IL6R: variants seen among roughly 807,000 people sequenced by gnomAD.
IL6R encodes the protein interleukin-6 receptor subunit alpha.
Under a neutral mutation model 48.3 loss-of-function variants are expected in IL6R, and 38 were observed. That is an observed-to-expected ratio of 0.79 (90% confidence interval 0.61 to 1.03). The LOEUF (loss-of-function observed/expected upper bound fraction) is 1.03. Among genes scored for constraint, IL6R ranks in the 50% least tolerant of loss-of-function variants. The probability of loss-of-function intolerance (pLI) is 0.00; values close to 1 mark genes in which losing one functional copy is unlikely to be tolerated. For missense variants in IL6R, 534 were observed against 618.3 expected (o/e 0.86, Z 1.45); for synonymous variants, 264 against 256.2 (o/e 1.03, Z -0.29).
At chr1:154,438,843 T>C (rs1280416148) in intron 6 of IL6R, among the ~76,000 whole-genome samples, 1 of 152,184 alleles carries the variant, frequency 6.6e-6, no homozygotes, top group Non-Finnish European at 1.5e-5. Context: ...TGTTGGCACT[T>C]TCCTTGTTCA....
Position 154,434,699 on chromosome 1 carries a change from C to G in IL6R, c.639C>G (p.Ile213Met). 1 of 1,613,572 alleles carries G rather than the reference C, an allele frequency of 6.2e-7. No homozygotes were observed. Among genetic ancestry groups the G allele is most frequent in the Non-Finnish European group, 8.5e-7 (1 of 1,179,658 alleles). ...CTCAAACCTTTCAGGGTTGTGGAAT[C>G]TGTACGTAAGCTCTAACCCCCTCTC... ...SKTQTFQGCG[I>M]LQPDPPANIT... Residue 213 changes from isoleucine (I) to methionine (M), a missense_variant and splice_region_variant, in exon 4 of 10, where the codon ATC becomes ATG. Ile to Met is a conservative substitution (Grantham distance 10). Coordinates refer to ENST00000368485, the MANE Select transcript of IL6R (RefSeq NM_000565.4).
chr1:154,422,561 A>G (rs1688732847), intron 1 of IL6R, among the ~76,000 whole-genome samples: 1 of 152,084 alleles, frequency 6.6e-6, no homozygotes, highest in Non-Finnish European at 1.5e-5. Context: ...TTCCTGGATT[A>G]GGAACTTCTG....
chr1:154,436,063 G>A lies in IL6R; in HGVS notation c.902G>A (p.Gly301Asp). 1 of 1,613,028 alleles carries A rather than the reference G, an allele frequency of 6.2e-7. No individual in the cohort carries two copies. The highest frequency in any genetic ancestry group is 8.5e-7 in the Non-Finnish European group (1 of 1,179,436). Residue 301 changes from glycine to aspartate, a missense_variant, in exon 6 of 10, where the codon GGC becomes GAC. Gly to Asp is a moderately conservative substitution (Grantham distance 94). Coordinates refer to ENST00000368485, the MANE Select transcript of IL6R (RefSeq NM_000565.4). ...CGTGCCCAGGAGGAGTTCGGGCAAG[G>A]CGAGTGGAGCGAGTGGAGCCCGGAG... ...QLRAQEEFGQ[G>D]EWSEWSPEAM...
chr1:154,423,931 GCC>G (rs1468304729), intron 1 of IL6R, among the ~76,000 whole-genome samples: 1 of 152,240 alleles, frequency 6.6e-6, no homozygotes, highest in Non-Finnish European at 1.5e-5. Flanking sequence ...GAGCAGAACA[GCC>G]CCTGCTATTG....
chr1:154,438,600 C>G (rs1353226553), intron 6 of IL6R, among the ~76,000 whole-genome samples: 1 of 152,196 alleles, frequency 6.6e-6, no homozygotes, highest in African/African-American at 2.4e-5. Context: ...ATCCCGACCC[C>G]TGCCACTTTC....
At chr1:154,425,104 G>T (rs998273399) in intron 1 of IL6R, among the ~76,000 whole-genome samples, 1 of 152,180 alleles carries the variant, frequency 6.6e-6, no homozygotes, top group Non-Finnish European at 1.5e-5. Context: ...AACCGATTAG[G>T]TCAGGGGTTG....
At chr1:154,448,511 T>C (rs1347937210) in intron 7 of IL6R, among the ~76,000 whole-genome samples, 1 of 152,236 alleles carries the variant, frequency 6.6e-6, no homozygotes, top group East Asian at 1.9e-4. Flanking sequence ...CTTGGTGACA[T>C]AATTTGCTGG....
At chr1:154,438,288 C>T (rs1257105640) in intron 6 of IL6R, among the ~76,000 whole-genome samples, 1 of 151,654 alleles carries the variant, frequency 6.6e-6, no homozygotes, top group Non-Finnish European at 1.5e-5. Flanking sequence ...TTTAGCAGAT[C>T]TAGAATGCAA....
At chr1:154,444,956 A>G in intron 6 of IL6R, 1 of 386,214 alleles carries the variant, frequency 2.6e-6, no homozygotes, top group Non-Finnish European at 5.2e-6. Context: ...CCAAATGAGG[A>G]AGGGTGAAAC....
Position 154,405,455 on chromosome 1 carries a change from C to T in IL6R, c.-175C>T. On this transcript the variant is annotated 5_prime_UTR_variant, in exon 1 of 10. Coordinates refer to ENST00000368485, the MANE Select transcript of IL6R (RefSeq NM_000565.4). The surrounding 1 kb of genome is among the most constrained non-coding windows in gnomAD (Gnocchi z 5.2). ...GAGAGGAGCCGAGCGCGGCGCGGGGCCGAGGGACTCGCAGTGTGTGTAGAG... is the reference window on the plus strand; with the variant it reads ...GAGAGGAGCCGAGCGCGGCGCGGGGTCGAGGGACTCGCAGTGTGTGTAGAG... 1.7e-6 allele frequency: 1 copy of T among 574,644 alleles called. No homozygotes were observed. Among genetic ancestry groups the T allele is most frequent in the Non-Finnish European group, 2.9e-6 (1 of 341,126 alleles). 35.6% of individuals were successfully genotyped at this position (574,644 alleles called of 1,614,324 possible).
rs142591131 is a variant in IL6R at position 154,437,631 on chromosome 1, C to T, written c.949+1521C>T. On this transcript the variant is annotated intron_variant, in intron 6 of 9. Coordinates refer to ENST00000368485, the MANE Select transcript of IL6R (RefSeq NM_000565.4). ...TTCACCATGCTGCCCAGGCTGGTCT[C>T]GAACTCCTGGCCTCAAGTGATCCAC... The T allele has an allele frequency of 1.6e-3, 401 of 251,028 alleles. 1 individual carries two copies. The highest frequency in any genetic ancestry group is 7.8e-3 in the African/African-American group (347 of 44,590). 15.6% of individuals were successfully genotyped at this position (251,028 alleles called of 1,614,324 possible).
chr1:154,415,549 C>T (rs932608648), intron 1 of IL6R, among the ~76,000 whole-genome samples: 2 of 152,232 alleles, frequency 1.3e-5, no homozygotes, highest in East Asian at 1.9e-4. Context: ...GCTATATAAC[C>T]TCAGTCTCTT....
At chr1:154,436,871 A>G (rs900738509) in intron 6 of IL6R, among the ~76,000 whole-genome samples, 4 of 152,242 alleles carry the variant, frequency 2.6e-5, no homozygotes, top group Non-Finnish European at 4.4e-5. Context: ...CCAGAAAGAT[A>G]TGAAGAATAA....
chr1:154,413,304 G>A (rs112737880), intron 1 of IL6R, among the ~76,000 whole-genome samples: 264 of 152,306 alleles, frequency 1.7e-3, no homozygotes, highest in African/African-American at 5.9e-3. Context: ...CCGGCCACCC[G>A]GTTACCTTTT....
chr1:154,454,445 T>G, intron 8 of IL6R, 43 bp from the exon 9 acceptor site: 1 of 1,278,886 alleles, frequency 7.8e-7, no homozygotes, highest in Non-Finnish European at 1.1e-6. Flanking sequence ...TTTCTCCATA[T>G]TCTCCTCTTC....
At chr1:154,462,620 G>T (rs1056478824) in intron 9 of IL6R, among the ~76,000 whole-genome samples, 1 of 151,672 alleles carries the variant, frequency 6.6e-6, no homozygotes, top group South Asian at 2.1e-4. Context: ...TTATCTGCCC[G>T]CCTAGGCCTC....
intron 6 of IL6R, among the ~76,000 whole-genome samples, chr1:154,443,715 G>T (rs768858541): frequency 1.3e-5 from 2 of 152,204 alleles, no homozygotes; most frequent in African/African-American, 2.4e-5. Context: ...GAAGCAATTA[G>T]CACAGAGCCT....
At position 154,435,679 on chromosome 1, in the gene IL6R, G is replaced by A. The variant is rs559188170; in HGVS notation, c.808-290G>A. 3.9e-5 allele frequency among the ~76,000 whole-genome samples: 6 copies of A among 152,266 alleles called. No homozygotes were observed. In the South Asian group the frequency reaches 6.2e-4, roughly 16 times the overall value. ...AATGCCAGGCCAGTCTCCTCTTCCC[G>A]GGCTTGTCTGTGAGGAGAGCAATGT... On this transcript the variant is annotated intron_variant, in intron 5 of 9. Transcript: ENST00000368485.
At chr1:154,436,508 C>A (rs147109277) in intron 6 of IL6R, among the ~76,000 whole-genome samples, 32 of 152,328 alleles carry the variant, frequency 2.1e-4, no homozygotes, top group African/African-American at 7.0e-4. Context: ...TTAAAAACGA[C>A]CATCATTTAT....
Sources: gnomAD v4.1 joint callset for allele counts (sites outside exome capture counted in the v4.1 genomes callset) on GRCh38, gnomAD v4.1.1 for gene constraint, Gnocchi (gnomAD v3.1) non-coding constraint, MANE v1.5 for transcripts, NCBI Gene and HGNC (gene_info 2026-07-23, HGNC 2026-07-21) for gene names.